The following HEG1 variants were observed in gnomAD, a reference collection of about 807,000 sequenced individuals.
HEG1 encodes protein HEG homolog 1.
A neutral mutation model predicts 125.6 loss-of-function variants in HEG1; 56 were observed. That is an observed-to-expected ratio of 0.45 (90% CI 0.36 to 0.56). HEG1 has a LOEUF of 0.56. Among genes scored for constraint, HEG1 ranks in the 20% least tolerant of loss-of-function variants. HEG1 has a pLI of 0.00. For synonymous variants in HEG1, 644 were observed against 668.5 expected, an observed-to-expected ratio of 0.96 and a Z score of 0.57; for missense variants, 1,523 against 1,670.0, an observed-to-expected ratio of 0.91 and a Z score of 1.53.
chr3:125,029,446 T>C lies in HEG1; in HGVS notation c.359A>G (p.His120Arg), dbSNP rs775935728. 3.1e-6 allele frequency: 5 copies of C among 1,602,058 alleles called. No individual in the cohort carries two copies. The highest frequency in any genetic ancestry group is 1.3e-5 in the African/African-American group (1 of 74,934). The change falls in exon 2 of 17, where the codon CAT becomes CGT. Residue 120 changes from histidine to arginine, a missense_variant. By Grantham distance (29) the His-to-Arg change is conservative (BLOSUM62 0). Coordinates refer to ENST00000311127, the MANE Select transcript of HEG1 (RefSeq NM_020733.2). ...KHWPESNTEA[H>R]VENITFYQNQ... The stretch of plus-strand genomic sequence containing the variant: ...CTGATAGAAGGTGATGTTTTCTACA[T>C]GGGCCTCAGTGTTACTTTCTGGCCA...
chr3:124,980,638 T>G (rs1936632005), intron 14 of HEG1, among the ~76,000 whole-genome samples: 1 of 152,046 alleles, frequency 6.6e-6, no homozygotes, highest in African/African-American at 2.4e-5. Flanking sequence ...TGCCTCAACC[T>G]CCTGAGTAGC....
chr3:125,024,398 C>T (rs1937385193), intron 3 of HEG1, among the ~76,000 whole-genome samples: 1 of 152,180 alleles, frequency 6.6e-6, no homozygotes, highest in Non-Finnish European at 1.5e-5. Flanking sequence ...CAATTGTAGC[C>T]ACTCTCACAC....
intron 1 of HEG1, among the ~76,000 whole-genome samples, chr3:125,043,086 T>G (rs1937608389): frequency 6.6e-6 from 1 of 152,194 alleles, no homozygotes; most frequent in Non-Finnish European, 1.5e-5. Context: ...TGTTGGAAAG[T>G]GCTAGACATG....
At chr3:125,015,986 G>A (rs1937240972) in intron 5 of HEG1, among the ~76,000 whole-genome samples, 1 of 152,186 alleles carries the variant, frequency 6.6e-6, no homozygotes, top group Non-Finnish European at 1.5e-5. Flanking sequence ...GCATCACTGA[G>A]AAAGCCAGAA....
chr3:124,987,115 G>C (rs1459476011), intron 14 of HEG1, among the ~76,000 whole-genome samples: 1 of 152,158 alleles, frequency 6.6e-6, no homozygotes, highest in East Asian at 1.9e-4. Context: ...CAACGTGGGA[G>C]GATTGCTTGA....
intron 15 of HEG1, among the ~76,000 whole-genome samples, chr3:124,976,054 A>G (rs944265891): frequency 6.6e-6 from 1 of 152,174 alleles, no homozygotes; most frequent in African/African-American, 2.4e-5. Context: ...GCTGGGTCCA[A>G]TGGTAACTCT....
intron 1 of HEG1, among the ~76,000 whole-genome samples, chr3:125,038,748 A>G (rs530387171): frequency 6.6e-6 from 1 of 151,170 alleles, no homozygotes; most frequent in Non-Finnish European, 1.5e-5. Flanking sequence ...AACCTGCCAC[A>G]TGGAGGGCGA....
At position 125,019,373 on chromosome 3, in the gene HEG1, C is replaced by T. The variant is rs376539095; in HGVS notation, c.1477G>A (p.Val493Ile). The T allele has an allele frequency of 1.3e-5, 21 of 1,613,886 alleles. No individual in the cohort carries two copies. Among genetic ancestry groups the T allele is most frequent in the African/African-American group, 2.7e-5 (2 of 74,944 alleles). ...SVLTQFSDST[V>I]QSGGSHTALG... Reference sequence around the variant, plus strand: ...GCTGTGTGACTTCCTCCAGACTGTACAGTAGAGTCTGAGAACTGGGTCAAC... The same window carrying T: ...GCTGTGTGACTTCCTCCAGACTGTATAGTAGAGTCTGAGAACTGGGTCAAC... Residue 493 changes from valine to isoleucine, a missense_variant, in exon 5 of 17, where the codon GTA becomes ATA. By Grantham distance (29) the Val-to-Ile change is conservative. Transcript: ENST00000311127.
Position 125,012,692 on chromosome 3 carries a change from G to C in HEG1, c.2887C>G (p.Pro963Ala). The change falls in exon 6 of 17, where the codon CCC becomes GCC. Residue 963 changes from proline to alanine, a missense_variant. Pro to Ala is a conservative substitution (Grantham distance 27). Transcript: ENST00000311127. ...TGAACAGCAAAGGTGGCAGATTTGGGAGCCAAGTCTTCAGCCGTGGAAACA... is the reference window on the plus strand; with the variant it reads ...TGAACAGCAAAGGTGGCAGATTTGGCAGCCAAGTCTTCAGCCGTGGAAACA... ...TVVSTAEDLA[P>A]KSATFAVQSS... 6.2e-7 allele frequency: 1 copy of C among 1,613,944 alleles called. No individual in the cohort carries two copies. The highest frequency in any genetic ancestry group is 1.1e-5 in the South Asian group (1 of 91,044).
chr3:125,050,690 GACTGAA>G (rs1167883894), intron 1 of HEG1, among the ~76,000 whole-genome samples: 1 of 152,180 alleles, frequency 6.6e-6, no homozygotes, highest in Non-Finnish European at 1.5e-5. Context: ...GCTCCAACAA[GACTGAA>G]TGTTCCCTGG....
At chr3:124,970,880 T>C in intron 16 of HEG1, 79 bp from the exon 17 acceptor site, 1 of 1,199,186 alleles carries the variant, frequency 8.3e-7, no homozygotes, top group Non-Finnish European at 1.2e-6. Flanking sequence ...CCAATGATTT[T>C]AGACCAATGT....
chr3:125,027,397 C>G lies in HEG1; in HGVS notation c.721G>C (p.Gly241Arg), dbSNP rs140295311. ...TGCACAGTCCATTCTTCTGACAGCC[C>G]CATCGCCCTCTCTGTTCCCATCTCC... ...ASEMGTERAM[G>R]LSEEWTVHSQ... is the part of the protein sequence containing the mutation. Residue 241 changes from glycine to arginine, a missense_variant, in exon 3 of 17, where the codon GGG becomes CGG. Coordinates refer to ENST00000311127, the MANE Select transcript of HEG1 (RefSeq NM_020733.2). 775 of 1,613,984 alleles carry G rather than the reference C, an allele frequency of 4.8e-4. 3 individuals are homozygous for G. In the African/African-American group the frequency reaches 9.4e-3, roughly 20 times the overall value.
rs377183884 is a variant in HEG1, at chr3:125,021,018, C to G, written c.1026G>C (p.Thr342=). The G allele has an allele frequency of 6.2e-6, 10 of 1,613,358 alleles. No individual in the cohort carries two copies. The highest frequency in any genetic ancestry group is 8.5e-6 in the Non-Finnish European group (10 of 1,179,736). The part of the protein sequence containing the change: ...ATVFTDGGPR[T]LRSLTVSLGP... ...CCAGACTGACCGTCAAAGATCGCAGCGTTCTCGGGCCACCATCAGTGAACA... is the reference window on the plus strand; with the variant it reads ...CCAGACTGACCGTCAAAGATCGCAGGGTTCTCGGGCCACCATCAGTGAACA... The change falls in exon 4 of 17, where the codon ACG becomes ACC. Residue 342 remains threonine, a synonymous_variant. Coordinates refer to ENST00000311127, the MANE Select transcript of HEG1 (RefSeq NM_020733.2).
chr3:124,971,452 T>TC lies in HEG1; in HGVS notation c.3997-652_3997-651insG, dbSNP rs1164880716. Among the ~76,000 whole-genome samples, 24 of 151,940 alleles carry TC rather than the reference T, an allele frequency of 1.6e-4. No individual in the cohort carries two copies. In the East Asian group the frequency reaches 4.5e-3, roughly 28 times the overall value. On this transcript the variant is annotated intron_variant, in intron 16 of 16. Transcript: ENST00000311127. ...CTCCTTTCCCTTTCTTTCTTTTTCT[T>TC]TTTTTACCTTTCCCTCTCTTTCTTT...
intron 8 of HEG1, among the ~76,000 whole-genome samples, chr3:125,007,878 T>TA (rs1460193376): frequency 6.6e-6 from 1 of 152,292 alleles, no homozygotes; most frequent in East Asian, 1.9e-4. Flanking sequence ...AATAGTTTAC[T>TA]AAAATGCAAG....
At chr3:125,021,161 A>C in intron 3 of HEG1, 31 bp from the exon 4 acceptor site, 1 of 1,484,588 alleles carries the variant, frequency 6.7e-7, no homozygotes, top group Non-Finnish European at 9.1e-7. Context: ...CTTCAAAATT[A>C]CTCAGGAGTT....
chr3:124,997,929 T>C, intron 11 of HEG1, 106 bp from the exon 12 acceptor site: 1 of 1,280,654 alleles, frequency 7.8e-7, no homozygotes, highest in Non-Finnish European at 1.0e-6. Flanking sequence ...ACTCTCTATT[T>C]CAAGAGGCTG....
chr3:124,989,935 A>G (rs893942785), intron 14 of HEG1, among the ~76,000 whole-genome samples: 2 of 151,866 alleles, frequency 1.3e-5, no homozygotes, highest in African/African-American at 4.8e-5. Flanking sequence ...TACTTTGCCA[A>G]TCCAAATCCT....
intron 1 of HEG1, among the ~76,000 whole-genome samples, chr3:125,045,051 T>C (rs1232648494): frequency 6.6e-6 from 1 of 152,152 alleles, no homozygotes; most frequent in Non-Finnish European, 1.5e-5. Context: ...ATGGTTTGAG[T>C]GCATTATTGG....
Sources: gnomAD v4.1 joint callset for allele counts (sites outside exome capture counted in the v4.1 genomes callset) on GRCh38, gnomAD v4.1.1 for gene constraint, MANE v1.5 for transcripts, NCBI Gene and HGNC (gene_info 2026-07-23, HGNC 2026-07-21) for gene names.